CDK12: variants seen among roughly 807,000 people sequenced by gnomAD.
CDK12 encodes the protein cyclin-dependent kinase 12.
A neutral mutation model predicts 133.8 loss-of-function variants in CDK12; 17 were observed. The ratio of observed to expected loss-of-function variants is 0.13; its 90% CI spans 0.09 to 0.19. CDK12 has a LOEUF of 0.19. Among genes scored for constraint, CDK12 ranks in the 10% least tolerant of loss-of-function variants. CDK12 has a pLI of 1.00. For synonymous variants in CDK12, 694 were observed against 683.6 expected, an observed-to-expected ratio of 1.02 and a Z score of -0.24; for missense variants, 1,508 against 1,818.7, an observed-to-expected ratio of 0.83 and a Z score of 3.11.
At chr17:39,517,796 C>T (rs1262338024) in intron 10 of CDK12, among the ~76,000 whole-genome samples, 1 of 152,126 alleles carries the variant, frequency 6.6e-6, no homozygotes, top group Non-Finnish European at 1.5e-5. Context: ...TTCTCATAGC[C>T]TTCTTGATCT....
intron 11 of CDK12, among the ~76,000 whole-genome samples, chr17:39,523,170 G>A (rs1424916805): frequency 6.6e-6 from 1 of 151,668 alleles, no homozygotes; most frequent in East Asian, 1.9e-4. Context: ...CCACATTATA[G>A]CACATAAAAA....
upstream of CDK12, among the ~76,000 whole-genome samples, chr17:39,547,200 A>G (rs1457045584): frequency 7.1e-6 from 1 of 141,454 alleles, no homozygotes. Flanking sequence ...CAATGGCACG[A>G]TCTTGGCTCA....
intron 1 of CDK12, among the ~76,000 whole-genome samples, chr17:39,464,869 T>G (rs113960832): frequency 6.6e-6 from 1 of 151,670 alleles, no homozygotes; most frequent in African/African-American, 2.4e-5. Context: ...GGAGGATTGC[T>G]TGAGCCTAGG....
At chr17:39,474,624 C>T (rs986861687) in intron 2 of CDK12, among the ~76,000 whole-genome samples, 5 of 151,692 alleles carry the variant, frequency 3.3e-5, no homozygotes, top group African/African-American at 1.2e-4. Flanking sequence ...CAATATTGGT[C>T]ATTTGAATGA....
At chr17:39,498,149 C>T (rs1298881721) in intron 5 of CDK12, among the ~76,000 whole-genome samples, 1 of 151,584 alleles carries the variant, frequency 6.6e-6, no homozygotes, top group Non-Finnish European at 1.5e-5. Context: ...CTAGACACCA[C>T]TCCTGGCTGG....
At position 39,532,884 on chromosome 17, in the gene CDK12, T is replaced by TA. The variant is rs1301293365; in HGVS notation, c.*1569dup. ...GCATATAGAGTGTTTTAAAAACAGA[T>TA]ACATGTCATATAATTTATCTGCACA... On this transcript the variant is annotated 3_prime_UTR_variant, in exon 14 of 14. Coordinates refer to ENST00000447079, the MANE Select transcript of CDK12 (RefSeq NM_016507.4). 1.3e-5 allele frequency: 3 copies of TA among 232,892 alleles called. No individual in the cohort carries two copies. The highest frequency in any genetic ancestry group is 8.5e-6 in the Non-Finnish European group (1 of 117,850). 14.4% of individuals were successfully genotyped at this position (232,892 alleles called of 1,614,324 possible). A position where few individuals can be genotyped will look rare whatever the true frequency, so the allele number is the denominator to read the frequency against.
At chr17:39,506,774 T>A (rs2053159289) in intron 6 of CDK12, among the ~76,000 whole-genome samples, 1 of 152,230 alleles carries the variant, frequency 6.6e-6, no homozygotes. Flanking sequence ...GCAAAAATGT[T>A]AAACCATGGT....
chr17:39,488,984 G>A (rs1000134611), intron 2 of CDK12, among the ~76,000 whole-genome samples: 1 of 151,792 alleles, frequency 6.6e-6, no homozygotes, highest in Non-Finnish European at 1.5e-5. Context: ...GCAGTCGTGC[G>A]ATCTCAGCTC....
intron 5 of CDK12, among the ~76,000 whole-genome samples, chr17:39,497,945 T>C (rs760533476): frequency 2.0e-5 from 3 of 152,102 alleles, no homozygotes; most frequent in Non-Finnish European, 2.9e-5. Context: ...TTGGGTCTTC[T>C]CTATGTTACC....
chr17:39,472,147 CTAATTT>C (rs1338393949), intron 2 of CDK12, among the ~76,000 whole-genome samples: 1 of 151,816 alleles, frequency 6.6e-6, no homozygotes, highest in Non-Finnish European at 1.5e-5. Context: ...CCATGCCTGG[CTAATTT>C]TTGTGTTTTT....
chr17:39,564,889 G>C (rs1343038090), downstream of CDK12: 2 of 152,220 alleles, frequency 1.3e-5, no homozygotes, highest in Admixed American at 1.3e-4. Flanking sequence ...AAGGGAAGCT[G>C]TGGAAATATA....
At chr17:39,521,720 C>T (rs150719047) in intron 11 of CDK12, among the ~76,000 whole-genome samples, 7 of 152,208 alleles carry the variant, frequency 4.6e-5, no homozygotes, top group East Asian at 1.9e-4. Context: ...CCACCACGCC[C>T]GACTAATTTT....
rs1315897109 is a variant in CDK12, at chr17:39,526,124, CCTT to C, written c.3570_3572del (p.Ser1191del). The C allele has an allele frequency of 6.2e-7, 1 of 1,614,104 alleles. No homozygotes were observed. The highest frequency in any genetic ancestry group is 8.5e-7 in the Non-Finnish European group (1 of 1,180,050). ...AGCACCCTCTGCCCCAGTGATCCTG[CCTT>C]CAGCAGAACAGACGACCCTTGAAGC... On this transcript the variant is annotated inframe_deletion, in exon 13 of 14. Transcript: ENST00000447079.
Position 39,515,727 on chromosome 17 carries a change from C to G in CDK12, c.2769-4C>G, listed in dbSNP as rs2053761260. 1 of 1,603,982 alleles carries G rather than the reference C, an allele frequency of 6.2e-7. No individual in the cohort carries two copies. Among genetic ancestry groups the G allele is most frequent in the African/African-American group, 1.3e-5 (1 of 74,686 alleles). On this transcript the variant is annotated splice_region_variant and splice_polypyrimidine_tract_variant and intron_variant, in intron 8 of 13. Transcript: ENST00000447079. ...TTCTGACCTCTCAATTTTACCTTTT[C>G]TAGATGTATTCTTGGGGAACTATTC...
intron 4 of CDK12, among the ~76,000 whole-genome samples, 162 bp downstream of exon 4, chr17:39,493,052 G>A (rs887400467): frequency 6.6e-6 from 1 of 151,832 alleles, no homozygotes; most frequent in Non-Finnish European, 1.5e-5. Flanking sequence ...GAGTGCAGTG[G>A]TGCAGTCTCA....
chr17:39,544,074 C>T (rs367824521), upstream of CDK12: 228 of 391,368 alleles, frequency 5.8e-4, 5 homozygotes, highest in South Asian at 4.2e-3. Context: ...TGGGAGTGTA[C>T]TAAGGTTAGT....
chr17:39,496,912 C>CTTTTT (rs71147349), intron 5 of CDK12, among the ~76,000 whole-genome samples: 22 of 87,836 alleles, frequency 2.5e-4, no homozygotes, highest in African/African-American at 7.7e-4. Context: ...TTCAGTATAT[C>CTTTTT]TTTTTTTTTT....
chr17:39,491,197 A>T (rs12936646), intron 3 of CDK12, among the ~76,000 whole-genome samples: 92,633 of 151,914 alleles, frequency 0.61, 31,903 homozygotes, highest in South Asian at 0.89. Context: ...AATAATAAAA[A>T]TAGGTATCAT....
At chr17:39,495,690 G>A (rs986944367) in intron 5 of CDK12, among the ~76,000 whole-genome samples, 14 of 150,968 alleles carry the variant, frequency 9.3e-5, no homozygotes, top group African/African-American at 3.2e-4. Flanking sequence ...AGCTACTCAG[G>A]AGGCTGAGGC....
Sources: gnomAD v4.1 joint callset for allele counts (sites outside exome capture counted in the v4.1 genomes callset) on GRCh38, gnomAD v4.1.1 for gene constraint, MANE v1.5 for transcripts, NCBI Gene and HGNC (gene_info 2026-07-23, HGNC 2026-07-21) for gene names.